Variants in CDK17 observed in about 807,000 individuals in gnomAD.
The protein encoded by CDK17 is cyclin dependent kinase 17.
A neutral mutation model predicts 77.6 loss-of-function variants in CDK17; 24 were observed. That is an observed-to-expected ratio of 0.31 (90% CI 0.22 to 0.44). The LOEUF is 0.44. CDK17 is among the 20% of genes least tolerant of loss of function. CDK17 has a pLI of 1.00. For synonymous variants in CDK17, 203 were observed against 210.4 expected, an observed-to-expected ratio of 0.96 and a Z score of 0.30; for missense variants, 429 against 622.5, an observed-to-expected ratio of 0.69 and a Z score of 3.31.
intron 1 of CDK17, among the ~76,000 whole-genome samples, chr12:96,341,318 T>TACAC (rs10656968): frequency 0.04 from 5,901 of 148,712 alleles, 155 homozygotes; most frequent in African/African-American, 0.068. Context: ...ATCATATACA[T>TACAC]ACACACACAC....
At chr12:96,382,707 C>T (rs1297830264) in intron 1 of CDK17, among the ~76,000 whole-genome samples, 8 of 152,100 alleles carry the variant, frequency 5.3e-5, no homozygotes, top group Non-Finnish European at 1.2e-4. Context: ...TGCTTCAACA[C>T]ATGAAAACAA....
intron 1 of CDK17, among the ~76,000 whole-genome samples, chr12:96,376,239 A>G (rs1364025691): frequency 3.9e-5 from 6 of 152,244 alleles, no homozygotes; most frequent in African/African-American, 9.6e-5. Context: ...TTCAATAAAT[A>G]GTAGCAAATG....
intron 1 of CDK17, among the ~76,000 whole-genome samples, chr12:96,358,591 G>A (rs1213507951): frequency 6.6e-6 from 1 of 152,102 alleles, no homozygotes; most frequent in Non-Finnish European, 1.5e-5. Flanking sequence ...GAAGGCTGAG[G>A]CAGGTGGATC....
At chr12:96,397,248 C>T (rs558236911) in intron 1 of CDK17, among the ~76,000 whole-genome samples, 11 of 152,092 alleles carry the variant, frequency 7.2e-5, no homozygotes, top group Admixed American at 2.6e-4. Context: ...GCTTAGTCAA[C>T]ATAGCTATCC....
intron 2 of CDK17, among the ~76,000 whole-genome samples, chr12:96,331,739 A>G (rs1952971771): frequency 6.6e-6 from 1 of 152,180 alleles, no homozygotes; most frequent in Non-Finnish European, 1.5e-5. Flanking sequence ...TCATACCCAT[A>G]ATTTCTCCAA....
intron 1 of CDK17, among the ~76,000 whole-genome samples, chr12:96,364,164 TAACA>T (rs373215151): frequency 6.3e-4 from 96 of 152,370 alleles, no homozygotes; most frequent in African/African-American, 2.3e-3. Flanking sequence ...ATTTGCTTGT[TAACA>T]AACATTGGGT....
intron 1 of CDK17, among the ~76,000 whole-genome samples, chr12:96,359,653 T>A (rs561006579): frequency 1.3e-5 from 2 of 152,338 alleles, no homozygotes; most frequent in East Asian, 3.9e-4. Context: ...CACAATTTCA[T>A]AACATTTTGG....
intron 1 of CDK17, among the ~76,000 whole-genome samples, chr12:96,368,049 C>T (rs73235113): frequency 0.047 from 7,185 of 151,714 alleles, 246 homozygotes; most frequent in Middle Eastern, 0.085. Context: ...ACGAACAGTC[C>T]AAGTCTATTT....
At chr12:96,322,272 T>C (rs1952830858) in intron 3 of CDK17, among the ~76,000 whole-genome samples, 1 of 152,202 alleles carries the variant, frequency 6.6e-6, no homozygotes, top group African/African-American at 2.4e-5. Context: ...ACTTTTCTCC[T>C]CCAGCACAAT....
intron 1 of CDK17, among the ~76,000 whole-genome samples, chr12:96,388,981 G>T (rs1257789282): frequency 6.6e-6 from 1 of 151,982 alleles, no homozygotes; most frequent in Non-Finnish European, 1.5e-5. Context: ...ATTCATGAGG[G>T]ATCTGCCCCA....
Position 96,333,146 on chromosome 12 carries a change from T to TGG in CDK17, c.118+1571_118+1572dup, listed in dbSNP as rs556296502. Among the ~76,000 whole-genome samples the TGG allele has an allele frequency of 8.1e-5, 12 of 148,780 alleles. No homozygotes were observed. In the South Asian group the frequency reaches 8.6e-4, roughly 11 times the overall value. ...ACTGCGCTTCCCACCAAAAATTCAA[T>TGG]GGGGGGGGGTCCCACCAAAAATTCA... On this transcript the variant is annotated intron_variant, in intron 2 of 16. Coordinates refer to ENST00000261211, the MANE Select transcript of CDK17 (RefSeq NM_002595.5).
At position 96,396,385 on chromosome 12, in the gene CDK17, T is replaced by G. The variant is rs1484165784; in HGVS notation, c.-30+3601A>C. Among the ~76,000 whole-genome samples, 7 of 152,216 alleles carry G rather than the reference T, an allele frequency of 4.6e-5. No homozygotes were observed. In the East Asian group the frequency reaches 1.3e-3, roughly 29 times the overall value. Reference sequence around the variant, plus strand: ...TCTTAAAAGCCAGTCTAACTGGTCCTCTCCCCATCAGTTCAAAGAAATTGC... The same window carrying G: ...TCTTAAAAGCCAGTCTAACTGGTCCGCTCCCCATCAGTTCAAAGAAATTGC... On this transcript the variant is annotated intron_variant, in intron 1 of 16. Transcript: ENST00000261211.
intron 1 of CDK17, among the ~76,000 whole-genome samples, chr12:96,390,692 G>C (rs1399576825): frequency 2.1e-5 from 3 of 143,120 alleles, no homozygotes; most frequent in Admixed American, 6.9e-5. Context: ...CTGGACGATG[G>C]GGTGAGACTC....
chr12:96,337,668 G>C (rs1414314440), intron 1 of CDK17, among the ~76,000 whole-genome samples: 2 of 152,084 alleles, frequency 1.3e-5, no homozygotes, highest in African/African-American at 4.8e-5. Flanking sequence ...AACCTTTATA[G>C]CTCTACCTTG....
rs538179686 is a variant in CDK17 at position 96,324,048 on chromosome 12, G to A, written c.183C>T (p.Tyr61=). 3.1e-6 allele frequency: 5 copies of A among 1,611,360 alleles called. No individual in the cohort carries two copies. Among genetic ancestry groups the A allele is most frequent in the Admixed American group, 1.7e-5 (1 of 59,648 alleles). The change falls in exon 3 of 17, where the codon TAC becomes TAT. Residue 61 remains tyrosine (Y), a synonymous_variant. Transcript: ENST00000261211. Reference sequence around the variant, plus strand: ...ATGGGGGCTTCTTGAAAGATCCTGTGTACTGGTGGAGGAAGGAATGCATAC... The same window carrying A: ...ATGGGGGCTTCTTGAAAGATCCTGTATACTGGTGGAGGAAGGAATGCATAC... ...SHSMHSFLHQ[Y]TGSFKKPPLR...
chr12:96,391,079 T>C (rs1954059966), intron 1 of CDK17, among the ~76,000 whole-genome samples: 1 of 129,652 alleles, frequency 7.7e-6, no homozygotes, highest in Non-Finnish European at 1.6e-5. Flanking sequence ...AGAGGGAGAC[T>C]CCATCTCAAA....
intron 1 of CDK17, among the ~76,000 whole-genome samples, chr12:96,397,515 C>T (rs866067632): frequency 9.3e-5 from 14 of 150,640 alleles, no homozygotes; most frequent in Non-Finnish European, 1.5e-4. Flanking sequence ...GAGAATGATA[C>T]ATTTTATAGA....
chr12:96,366,244 G>T (rs1953581011), intron 1 of CDK17, among the ~76,000 whole-genome samples: 1 of 152,206 alleles, frequency 6.6e-6, no homozygotes. Flanking sequence ...ACTGGCAAGT[G>T]TTAGACATTC....
intron 5 of CDK17, among the ~76,000 whole-genome samples, chr12:96,305,778 G>T (rs1298406636): frequency 6.6e-6 from 1 of 152,092 alleles, no homozygotes; most frequent in Non-Finnish European, 1.5e-5. Flanking sequence ...GAGTGCAGTG[G>T]TGCAATCATG....
Sources: gnomAD v4.1 joint callset for allele counts (sites outside exome capture counted in the v4.1 genomes callset) on GRCh38, gnomAD v4.1.1 for gene constraint, MANE v1.5 for transcripts, NCBI Gene and HGNC (gene_info 2026-07-23, HGNC 2026-07-21) for gene names.